ZNF169: variants seen among roughly 807,000 people sequenced by gnomAD.
ZNF169 encodes the protein zinc finger protein 169.
Under a neutral mutation model 12.0 loss-of-function variants are expected in ZNF169, and 11 were observed. That is an observed-to-expected ratio of 0.92 (90% CI 0.58 to 1.52). ZNF169 has a LOEUF of 1.52. Among genes scored for constraint, ZNF169 ranks in the 40% most tolerant of loss-of-function variants. ZNF169 has a pLI of 0.00. For synonymous variants in ZNF169, 302 were observed against 286.5 expected, an observed-to-expected ratio of 1.05 and a Z score of -0.55; for missense variants, 722 against 744.0, an observed-to-expected ratio of 0.97 and a Z score of 0.34.
In ZNF169 at chr9:94,300,424, CGTATGTGTGCAGG is replaced by C; in HGVS notation, c.868_880del (p.Tyr290AsnfsTer38). ...CAGAGGAAGCACTCGGGGGAGAAGC[CGTATGTGTGCAGG>C]GAATGTGGGCGACACTTCAGGTATA... On this transcript the variant is annotated frameshift_variant, in exon 5 of 5. Coordinates refer to ENST00000395395, the MANE Select transcript of ZNF169 (RefSeq NM_194320.4). LOFTEE classifies it low-confidence loss of function (END_TRUNC). 1 of 1,613,778 alleles carries C rather than the reference CGTATGTGTGCAGG, an allele frequency of 6.2e-7. No homozygotes were observed.
chr9:94,265,829 CT>C (rs1830282767), intron 1 of ZNF169, among the ~76,000 whole-genome samples: 1 of 152,142 alleles, frequency 6.6e-6, no homozygotes, highest in South Asian at 2.1e-4. Context: ...CCCTCAGATC[CT>C]CAGTAAACTT....
chr9:94,298,153 C>T (rs1023796642), intron 4 of ZNF169, among the ~76,000 whole-genome samples: 86 of 147,380 alleles, frequency 5.8e-4, no homozygotes, highest in African/African-American at 1.8e-3. Flanking sequence ...GGCGACAGTG[C>T]GAGACTCCTT....
At chr9:94,269,905 G>C (rs1242573947) in intron 1 of ZNF169, among the ~76,000 whole-genome samples, 2 of 152,152 alleles carry the variant, frequency 1.3e-5, no homozygotes, top group Non-Finnish European at 2.9e-5. Context: ...GGGTCCAGGT[G>C]CTGGGGTGAT....
In ZNF169 at chr9:94,296,711, A is replaced by G. The variant is rs1036465616; in HGVS notation, c.257-3104A>G. The G allele has an allele frequency of 2.4e-5, 11 of 453,444 alleles. No homozygotes were observed. The East Asian group carries it at 6.3e-4, about 26-fold the overall frequency. The allele number at this position is 453,444 out of a possible 1,614,324, so 28.1% of individuals were successfully genotyped here. On this transcript the variant is annotated intron_variant, in intron 4 of 4. Transcript: ENST00000395395. ...TATACCTGGACTCTATGTTTTTTCT[A>G]CTCCTCTGTTAGTGTCTCTATGCCA... is the stretch of plus-strand genomic sequence containing the variant.
At position 94,300,222 on chromosome 9, in the gene ZNF169, A is replaced by C; in HGVS notation, c.664A>C (p.Ser222Arg). 1 of 1,614,238 alleles carries C rather than the reference A, an allele frequency of 6.2e-7. No individual in the cohort carries two copies. Among genetic ancestry groups the C allele is most frequent in the Non-Finnish European group, 8.5e-7 (1 of 1,180,038 alleles). Reference sequence around the variant, plus strand: ...ACGTGGAAACTATAGACTGGGACTTAGCAAAAAGTCAAGCCTGTTCAGCCA... The same window carrying C: ...ACGTGGAAACTATAGACTGGGACTTCGCAAAAAGTCAAGCCTGTTCAGCCA... Reference protein sequence around the residue: ...VIRGNYRLGLSKKSSLFSHQK... With the variant: ...VIRGNYRLGLRKKSSLFSHQK... Residue 222 changes from serine to arginine, a missense_variant, in exon 5 of 5, where the codon AGC (serine) becomes CGC (arginine). By Grantham distance (110) the Ser-to-Arg change is moderately radical. Transcript: ENST00000395395.
intron 1 of ZNF169, among the ~76,000 whole-genome samples, chr9:94,271,527 C>T (rs976633739): frequency 3.9e-5 from 6 of 152,102 alleles, no homozygotes; most frequent in African/African-American, 1.4e-4. Flanking sequence ...CCAGACCACC[C>T]TGGCCAACGT....
intron 2 of ZNF169, among the ~76,000 whole-genome samples, 158 bp from the exon 3 acceptor site, chr9:94,292,183 G>C (rs1357629415): frequency 6.6e-6 from 1 of 152,200 alleles, no homozygotes; most frequent in Non-Finnish European, 1.5e-5. Flanking sequence ...TAATAGTCTT[G>C]AATATATGGA....
intron 2 of ZNF169, among the ~76,000 whole-genome samples, chr9:94,282,513 T>C (rs181666777): frequency 2.0e-5 from 3 of 152,286 alleles, no homozygotes; most frequent in African/African-American, 7.2e-5. Flanking sequence ...TTACATTCTT[T>C]TGAGTTTCTG....
At chr9:94,262,929 T>C (rs1301487596) in intron 1 of ZNF169, among the ~76,000 whole-genome samples, 21 of 152,230 alleles carry the variant, frequency 1.4e-4, no homozygotes, top group Admixed American at 1.4e-3. Flanking sequence ...ACTGACTTCT[T>C]ATTTAATTCC....
chr9:94,283,463 A>G (rs1012803024), intron 2 of ZNF169, among the ~76,000 whole-genome samples: 5 of 152,180 alleles, frequency 3.3e-5, no homozygotes, highest in African/African-American at 9.7e-5. Flanking sequence ...CTTCCCCAAA[A>G]GCAACTAATG....
rs200204395 is a variant in ZNF169 at position 94,287,714 on chromosome 9, T to TA, written c.34-4626dup. 6.9e-4 allele frequency: 900 copies of TA among 1,306,694 alleles called. 13 individuals are homozygous for TA. The East Asian group carries it at 0.019, about 28-fold the overall frequency. 80.9% of individuals were successfully genotyped at this position (1,306,694 alleles called of 1,614,324 possible). On this transcript the variant is annotated intron_variant, in intron 2 of 4. Coordinates refer to ENST00000395395, the MANE Select transcript of ZNF169 (RefSeq NM_194320.4). ...CGGTGTTCATTTATGCTTGAAATTC[T>TA]AGTCCTCAACCAAGCTTGTGGCCAC...
At position 94,301,106 on chromosome 9, in the gene ZNF169, C is replaced by CACAGGAGTGTGGGCG. The variant is rs1831063390; in HGVS notation, c.1549_1550insCAGGAGTGTGGGCGA (p.Asp516_Arg517insThrGlyValTrpAla). 6.2e-7 allele frequency: 1 copy of CACAGGAGTGTGGGCG among 1,614,170 alleles called. No homozygotes were observed. Among genetic ancestry groups the CACAGGAGTGTGGGCG allele is most frequent in the African/African-American group, 1.3e-5 (1 of 75,040 alleles). On this transcript the variant is annotated inframe_insertion, in exon 5 of 5. Coordinates refer to ENST00000395395, the MANE Select transcript of ZNF169 (RefSeq NM_194320.4). ...ACTCAGAGGAGGAGCTTTACGTAGA[C>CACAGGAGTGTGGGCG]AGGGTGTGTGGACAAGGACTTGGCC...
At chr9:94,287,486 C>A (rs1325823197) in intron 2 of ZNF169, among the ~76,000 whole-genome samples, 3 of 152,108 alleles carry the variant, frequency 2.0e-5, no homozygotes, top group African/African-American at 7.2e-5. Flanking sequence ...CTGCCTCAGC[C>A]CCCGGTTAGC....
At chr9:94,274,032 C>T (rs1007230976) in intron 1 of ZNF169, among the ~76,000 whole-genome samples, 6 of 152,136 alleles carry the variant, frequency 3.9e-5, no homozygotes, top group Admixed American at 6.6e-5. Flanking sequence ...ATCAAGGTTT[C>T]GGCAGGGTTG....
intron 1 of ZNF169, among the ~76,000 whole-genome samples, chr9:94,266,730 A>G (rs1232243174): frequency 2.6e-5 from 4 of 152,192 alleles, no homozygotes; most frequent in African/African-American, 9.7e-5. Context: ...ATAAAAACTG[A>G]AAAACATCAG....
rs994534445 is a variant in ZNF169 at position 94,299,437 on chromosome 9, C to T, written c.257-378C>T. On this transcript the variant is annotated intron_variant, in intron 4 of 4. Transcript: ENST00000395395. ...CTTCAAGATCATAATCAGTCTGTTTCTTAACTGCAGCTCAGACACCAAGTT... is the reference window on the plus strand; with the variant it reads ...CTTCAAGATCATAATCAGTCTGTTTTTTAACTGCAGCTCAGACACCAAGTT... The T allele has an allele frequency of 5.3e-6, 4 of 753,454 alleles. No individual in the cohort carries two copies. In the Admixed American group the frequency reaches 1.5e-4, roughly 29 times the overall value. 46.7% of individuals were successfully genotyped at this position (753,454 alleles called of 1,614,324 possible).
At chr9:94,266,143 G>A (rs1830288585) in intron 1 of ZNF169, among the ~76,000 whole-genome samples, 2 of 151,742 alleles carry the variant, frequency 1.3e-5, no homozygotes, top group South Asian at 4.2e-4. Flanking sequence ...GCTCAGGAAA[G>A]GCCTAGGCAA....
intron 2 of ZNF169, among the ~76,000 whole-genome samples, chr9:94,287,355 AATTG>A (rs777471595): frequency 7.3e-6 from 1 of 136,882 alleles, no homozygotes; most frequent in Non-Finnish European, 1.7e-5. Context: ...TATACTGCAA[AATTG>A]TTTGTTTGTT....
At position 94,262,541 on chromosome 9, in the gene ZNF169, C is replaced by G. The variant is rs112197299; in HGVS notation, c.-56+3196C>G. 8.1e-3 allele frequency among the ~76,000 whole-genome samples: 1,227 copies of G among 152,174 alleles called. 16 individuals carry two copies. The highest frequency in any genetic ancestry group is 0.028 in the African/African-American group (1,159 of 41,514). ...TGGTGCGATCTCGGCTCACTGCAAC[C>G]TCTGCCTCCCAAGTTCAAGCGATTC... is the stretch of plus-strand genomic sequence containing the variant. On this transcript the variant is annotated intron_variant, in intron 1 of 4. Coordinates refer to ENST00000395395, the MANE Select transcript of ZNF169 (RefSeq NM_194320.4).
Sources: allele counts gnomAD v4.1 joint callset (sites outside exome capture counted in the v4.1 genomes callset), GRCh38; gene constraint gnomAD v4.1.1; transcripts MANE v1.5; gene names NCBI Gene and HGNC (gene_info 2026-07-23, HGNC 2026-07-21).